Variants in PTPN4 observed in about 807,000 individuals in gnomAD.
PTPN4 encodes protein tyrosine phosphatase non-receptor type 4.
Under a neutral mutation model 135.5 loss-of-function variants are expected in PTPN4, and 49 were observed. That is an observed-to-expected ratio of 0.36 (90% CI 0.29 to 0.46). The LOEUF is 0.46. PTPN4 is among the 20% of genes least tolerant of loss of function. The pLI, the probability that PTPN4 is intolerant of heterozygous loss-of-function variation, is 1.00. For synonymous variants in PTPN4, 333 were observed against 369.9 expected, an observed-to-expected ratio of 0.90 and a Z score of 1.14; for missense variants, 860 against 1,101.0, an observed-to-expected ratio of 0.78 and a Z score of 3.10.
At chr2:119,804,942 T>TAAAAA (rs1249830445) in intron 1 of PTPN4, among the ~76,000 whole-genome samples, 72 of 152,334 alleles carry the variant, frequency 4.7e-4, no homozygotes, top group Non-Finnish European at 5.1e-4. Context: ...CAGCATCTGT[T>TAAAAA]GTTTCCTGAC....
chr2:119,935,590 AT>A (rs949504802), intron 15 of PTPN4, among the ~76,000 whole-genome samples: 8 of 152,144 alleles, frequency 5.3e-5, no homozygotes, highest in Admixed American at 3.9e-4. Flanking sequence ...TTGGTAAAAC[AT>A]TTTGATTGTG....
At position 119,809,816 on chromosome 2, in the gene PTPN4, A is replaced by T. The variant is rs367905414; in HGVS notation, c.-17-21A>T. ...ATTTTACGAACCTTTTATTTAGTGA[A>T]TTTTTTTTTTTTTAACTTAGACTTT... is the stretch of plus-strand genomic sequence containing the variant. On this transcript the variant is annotated intron_variant, in intron 1 of 26. Transcript: ENST00000263708. 2,098 of 1,166,074 alleles carry T rather than the reference A, an allele frequency of 1.8e-3. 14 individuals are homozygous for T. The African/African-American group carries it at 0.028, about 16-fold the overall frequency. The allele number at this position is 1,166,074 out of a possible 1,614,324, so 72.2% of individuals were successfully genotyped here. A position where few individuals can be genotyped will look rare whatever the true frequency, so the allele number is the denominator to read the frequency against.
At chr2:119,947,987 T>C (rs1259851584) in intron 18 of PTPN4, among the ~76,000 whole-genome samples, 4 of 152,068 alleles carry the variant, frequency 2.6e-5, no homozygotes, top group African/African-American at 7.2e-5. Flanking sequence ...AGACCCAGCG[T>C]GGATCCTATT....
intron 1 of PTPN4, among the ~76,000 whole-genome samples, chr2:119,770,008 T>TA (rs1384104068): frequency 6.6e-6 from 1 of 152,254 alleles, no homozygotes; most frequent in Non-Finnish European, 1.5e-5. Context: ...TATATTCTTG[T>TA]ATATAGACGA....
At position 119,978,827 on chromosome 2, in the gene PTPN4, T is replaced by C. The variant is rs1679653016; in HGVS notation, c.*1757T>C. The C allele has an allele frequency of 6.6e-6, 1 of 152,104 alleles. No individual in the cohort carries two copies. The highest frequency in any genetic ancestry group is 2.4e-5 in the African/African-American group (1 of 41,440). The allele number at this position is 152,104 out of a possible 1,614,324, so 9.4% of individuals were successfully genotyped here. On this transcript the variant is annotated 3_prime_UTR_variant, in exon 27 of 27. Coordinates refer to ENST00000263708, the MANE Select transcript of PTPN4 (RefSeq NM_002830.4). ...AAGAGTACACATTTTAAATCTTTGGTATAATCTAAACGATGTCATTTCAGA... is the reference window on the plus strand; with the variant it reads ...AAGAGTACACATTTTAAATCTTTGGCATAATCTAAACGATGTCATTTCAGA...
chr2:119,965,599 C>T lies in PTPN4; in HGVS notation c.2512C>T (p.Arg838Ter), dbSNP rs1259252500. The change falls in exon 25 of 27, where the codon CGA becomes TGA. Residue 838 changes from arginine to a stop codon, truncating the protein, a stop_gained. Transcript: ENST00000263708. LOFTEE classifies it high-confidence loss of function. ...CTTTCTAGATTTTGTTTGTCATGTA[C>T]GAAACAAGAGGGCTGGCAAGGAAGA... is the stretch of plus-strand genomic sequence containing the variant. ...SDFLDFVCHV[R>*]NKRAGKEEPV... 7 of 1,613,988 alleles carry T rather than the reference C, an allele frequency of 4.3e-6. No individual in the cohort carries two copies. Among genetic ancestry groups the T allele is most frequent in the Non-Finnish European group, 5.9e-6 (7 of 1,179,948 alleles).
At chr2:119,911,801 G>A (rs1209116351) in intron 10 of PTPN4, among the ~76,000 whole-genome samples, 1 of 152,116 alleles carries the variant, frequency 6.6e-6, no homozygotes, top group East Asian at 1.9e-4. Flanking sequence ...GCATTAAGGA[G>A]ACTAGAATGA....
chr2:119,941,105 G>C (rs188051114), intron 15 of PTPN4, among the ~76,000 whole-genome samples: 2 of 152,020 alleles, frequency 1.3e-5, no homozygotes, highest in African/African-American at 2.4e-5. Flanking sequence ...GCAGATTTTT[G>C]TGTGTGTGCA....
At chr2:119,846,015 T>C (rs1677493539) in intron 2 of PTPN4, among the ~76,000 whole-genome samples, 1 of 152,250 alleles carries the variant, frequency 6.6e-6, no homozygotes, top group Non-Finnish European at 1.5e-5. Context: ...TTTCTGTTAC[T>C]GATTTCTAGT....
At chr2:119,785,453 C>G (rs865947546) in intron 1 of PTPN4, among the ~76,000 whole-genome samples, 3 of 152,214 alleles carry the variant, frequency 2.0e-5, no homozygotes, top group Middle Eastern at 3.4e-3. Context: ...ATGCTTTACT[C>G]ACTGGTAATA....
chr2:119,843,087 A>T (rs1677405943), intron 2 of PTPN4, among the ~76,000 whole-genome samples: 1 of 152,234 alleles, frequency 6.6e-6, no homozygotes, highest in African/African-American at 2.4e-5. Context: ...TGATATGATC[A>T]TGTGACTTTT....
intron 2 of PTPN4, among the ~76,000 whole-genome samples, chr2:119,836,504 G>A (rs1468889917): frequency 6.6e-6 from 1 of 152,238 alleles, no homozygotes; most frequent in African/African-American, 2.4e-5. Context: ...AACTGCAGTG[G>A]GGGACGCGCA....
intron 3 of PTPN4, among the ~76,000 whole-genome samples, chr2:119,868,112 C>T (rs572180517): frequency 1.3e-5 from 2 of 152,180 alleles, no homozygotes; most frequent in African/African-American, 4.8e-5. Flanking sequence ...AATTCAGCAG[C>T]CATTCATAAT....
intron 2 of PTPN4, among the ~76,000 whole-genome samples, chr2:119,843,466 G>A (rs1302559245): frequency 6.0e-5 from 8 of 133,086 alleles, no homozygotes; most frequent in African/African-American, 2.0e-4. Flanking sequence ...CCACAAAGCC[G>A]CCATTGTCAT....
intron 18 of PTPN4, among the ~76,000 whole-genome samples, chr2:119,950,160 A>G (rs1207602739): frequency 1.3e-5 from 2 of 152,142 alleles, no homozygotes; most frequent in Non-Finnish European, 2.9e-5. Context: ...TGTGAGGAAA[A>G]GCTCTGTCTG....
At chr2:119,784,696 ATTTT>A (rs58879330) in intron 1 of PTPN4, among the ~76,000 whole-genome samples, 1 of 110,164 alleles carries the variant, frequency 9.1e-6, no homozygotes. Context: ...TGCCCAGCTA[ATTTT>A]TTTTTTTTTT....
chr2:119,946,250 T>C, intron 16 of PTPN4, 91 bp from the exon 17 acceptor site: 1 of 974,982 alleles, frequency 1.0e-6, no homozygotes, highest in Non-Finnish European at 1.5e-6. Flanking sequence ...CTATGCATAA[T>C]ATAAGCATAC....
intron 9 of PTPN4, among the ~76,000 whole-genome samples, chr2:119,888,719 AT>A (rs1306364282): frequency 6.6e-6 from 1 of 151,892 alleles, no homozygotes; most frequent in Non-Finnish European, 1.5e-5. Flanking sequence ...ATGCTGTTGG[AT>A]TTGGTTTGCT....
At position 119,981,953 on chromosome 2, in the gene PTPN4, G is replaced by T. The variant is rs1414806751; in HGVS notation, c.*4883G>T. ...TTATTTTAGTAATCCAAGCTAAATGGGCAACCAGAAGTAATATCTGCTAGG... is the reference window on the plus strand; with the variant it reads ...TTATTTTAGTAATCCAAGCTAAATGTGCAACCAGAAGTAATATCTGCTAGG... On this transcript the variant is annotated 3_prime_UTR_variant, in exon 27 of 27. Coordinates refer to ENST00000263708, the MANE Select transcript of PTPN4 (RefSeq NM_002830.4). The T allele has an allele frequency of 6.6e-6, 1 of 152,028 alleles. No individual in the cohort carries two copies. The highest frequency in any genetic ancestry group is 2.4e-5 in the African/African-American group (1 of 41,422). The allele number at this position is 152,028 out of a possible 1,614,324, so 9.4% of individuals were successfully genotyped here.
Sources: allele counts gnomAD v4.1 joint callset (sites outside exome capture counted in the v4.1 genomes callset), GRCh38; gene constraint gnomAD v4.1.1; transcripts MANE v1.5; gene names NCBI Gene and HGNC (gene_info 2026-07-23, HGNC 2026-07-21).